The following ST7L variants were observed in gnomAD, a reference collection of about 807,000 sequenced individuals.
ST7L encodes the protein suppression of tumorigenicity 7 like.
Under a neutral mutation model 72.5 loss-of-function variants are expected in ST7L, and 57 were observed. The observed-to-expected ratio is 0.79, with a 90% CI of 0.64 to 0.98. The LOEUF (loss-of-function observed/expected upper bound fraction) is 0.98. ST7L is among the 50% of genes least tolerant of loss of function. The pLI, the probability that ST7L is intolerant of heterozygous loss-of-function variation, is 0.00. For missense variants in ST7L, 576 were observed against 672.2 expected, an observed-to-expected ratio of 0.86 and a Z score of 1.58; for synonymous variants, 221 against 240.9, an observed-to-expected ratio of 0.92 and a Z score of 0.77.
chr1:112,609,311 C>T (rs1421205498), intron 3 of ST7L, among the ~76,000 whole-genome samples: 3 of 152,222 alleles, frequency 2.0e-5, no homozygotes, highest in Non-Finnish European at 2.9e-5. Flanking sequence ...GCAGACAGAT[C>T]ACCTGAGGTC....
At chr1:112,587,302 G>A (rs569618161) in intron 6 of ST7L, among the ~76,000 whole-genome samples, 9 of 152,150 alleles carry the variant, frequency 5.9e-5, no homozygotes, top group Middle Eastern at 3.4e-3. Context: ...TGGTTTTGAC[G>A]CCCTTGTCAA....
At chr1:112,581,372 C>G (rs1664084686) in intron 9 of ST7L, among the ~76,000 whole-genome samples, 1 of 150,908 alleles carries the variant, frequency 6.6e-6, no homozygotes, top group Non-Finnish European at 1.5e-5. Flanking sequence ...TGTAAATAAA[C>G]TGTAAATCCT....
At chr1:112,600,403 T>C (rs1667207497) in intron 4 of ST7L, among the ~76,000 whole-genome samples, 1 of 151,954 alleles carries the variant, frequency 6.6e-6, no homozygotes, top group Non-Finnish European at 1.5e-5. Flanking sequence ...ATTCTTTTAT[T>C]CCTTTCCTTT....
At chr1:112,581,037 C>G (rs1399747636) in intron 9 of ST7L, among the ~76,000 whole-genome samples, 1 of 152,204 alleles carries the variant, frequency 6.6e-6, no homozygotes, top group Non-Finnish European at 1.5e-5. Flanking sequence ...GGAGACCTTA[C>G]TCCAATACTT....
At chr1:112,521,326 T>TTTTTC (rs1242740916), downstream of ST7L, 41 of 151,096 alleles carry the variant, frequency 2.7e-4, no homozygotes, top group Non-Finnish European at 5.3e-4. Flanking sequence ...TTTTTTTTTT[T>TTTTTC]TTTTTCTTTT....
intron 2 of ST7L, among the ~76,000 whole-genome samples, chr1:112,613,622 G>A (rs983342716): frequency 2.0e-5 from 3 of 152,002 alleles, no homozygotes; most frequent in African/African-American, 7.3e-5. Context: ...ACATTGCAAG[G>A]GTAATAATAC....
chr1:112,540,589 G>C (rs1370138476), intron 14 of ST7L: 1 of 985,344 alleles, frequency 1.0e-6, no homozygotes, highest in African/African-American at 1.7e-5. Context: ...CCTACAGCCA[G>C]TGGCAACTTA....
At chr1:112,561,802 T>G (rs933276285) in intron 11 of ST7L, among the ~76,000 whole-genome samples, 2 of 151,908 alleles carry the variant, frequency 1.3e-5, no homozygotes, top group Non-Finnish European at 2.9e-5. Flanking sequence ...TGTTGTATGA[T>G]ATCATATTTA....
intron 14 of ST7L, among the ~76,000 whole-genome samples, chr1:112,536,967 G>A (rs1655306213): frequency 6.6e-6 from 1 of 151,450 alleles, no homozygotes; most frequent in African/African-American, 2.4e-5. Flanking sequence ...AAATTGCAAA[G>A]ACTACCCTGT....
At chr1:112,605,128 A>AC (rs1375469272) in intron 3 of ST7L, among the ~76,000 whole-genome samples, 1 of 148,948 alleles carries the variant, frequency 6.7e-6, no homozygotes, top group Non-Finnish European at 1.5e-5. Context: ...ATGGTAGCTC[A>AC]CACCTATAAT....
chr1:112,585,891 C>T (rs115699338), intron 6 of ST7L, among the ~76,000 whole-genome samples: 29 of 152,186 alleles, frequency 1.9e-4, no homozygotes, highest in African/African-American at 6.5e-4. Flanking sequence ...CTTATCTCAG[C>T]AAGAGGAGAG....
chr1:112,530,363 A>G (rs909787772), intron 14 of ST7L, among the ~76,000 whole-genome samples: 2 of 152,142 alleles, frequency 1.3e-5, no homozygotes, highest in Admixed American at 1.3e-4. Flanking sequence ...ATATTTTACC[A>G]TATTTACTGA....
At chr1:112,594,026 A>C (rs955620651) in intron 5 of ST7L, among the ~76,000 whole-genome samples, 2 of 152,226 alleles carry the variant, frequency 1.3e-5, no homozygotes, top group South Asian at 4.1e-4. Context: ...AAGTACATAA[A>C]ACTTTGCAAG....
chr1:112,574,467 G>T (rs574494471), intron 11 of ST7L, among the ~76,000 whole-genome samples: 10 of 150,938 alleles, frequency 6.6e-5, no homozygotes, highest in Non-Finnish European at 1.2e-4. Flanking sequence ...AGACCATCCT[G>T]GCTAACACTG....
intron 13 of ST7L, among the ~76,000 whole-genome samples, chr1:112,549,900 A>G (rs376801125): frequency 1.3e-5 from 2 of 152,218 alleles, no homozygotes; most frequent in South Asian, 4.1e-4. Context: ...GTCTTTCTCC[A>G]TTAAATATAA....
chr1:112,584,808 G>A (rs12140506), intron 6 of ST7L, among the ~76,000 whole-genome samples: 30,174 of 151,974 alleles, frequency 0.2, 3,654 homozygotes, highest in East Asian at 0.46. Context: ...GCTTTTAGTC[G>A]CTATATAATT....
chr1:112,584,978 C>T (rs1036250500), intron 6 of ST7L, among the ~76,000 whole-genome samples: 21 of 152,190 alleles, frequency 1.4e-4, no homozygotes, highest in Admixed American at 1.4e-3. Context: ...GTCCCATCCA[C>T]ACATGGACTT....
At chr1:112,571,703 G>A (rs1337415945) in intron 11 of ST7L, among the ~76,000 whole-genome samples, 1 of 152,220 alleles carries the variant, frequency 6.6e-6, no homozygotes. Context: ...TGGGATTACA[G>A]GTGTGAGCCA....
intron 3 of ST7L, among the ~76,000 whole-genome samples, chr1:112,602,435 G>A (rs1211688340): frequency 6.6e-6 from 1 of 152,194 alleles, no homozygotes; most frequent in East Asian, 1.9e-4. Flanking sequence ...AACAGGTGAT[G>A]AAAAGTCAAT....
Sources: gnomAD v4.1 joint callset for allele counts (sites outside exome capture counted in the v4.1 genomes callset) on GRCh38, gnomAD v4.1.1 for gene constraint, MANE v1.5 for transcripts, NCBI Gene and HGNC (gene_info 2026-07-23, HGNC 2026-07-21) for gene names.